CCDC171: variants seen among roughly 807,000 people sequenced by gnomAD.
The protein encoded by CCDC171 is coiled-coil domain-containing protein 171.
CCDC171 carries 177 observed loss-of-function variants against 168.2 expected under a neutral mutation model. The observed-to-expected ratio is 1.05, with a 90% CI of 0.93 to 1.19. The LOEUF (loss-of-function observed/expected upper bound fraction) is 1.19, where lower values mean the gene tolerates loss of function less well. Ranked by LOEUF, CCDC171 falls within the 50% of genes most tolerant of loss-of-function variation. The pLI, the probability that CCDC171 is intolerant of heterozygous loss-of-function variation, is 0.00. For missense variants in CCDC171, 1,991 were observed against 1,539.0 expected, an observed-to-expected ratio of 1.29 and a Z score of -4.91; for synonymous variants, 687 against 540.8, an observed-to-expected ratio of 1.27 and a Z score of -3.75.
chr9:15,932,108 C>T (rs1205863194), intron 25 of CCDC171, among the ~76,000 whole-genome samples: 2 of 151,730 alleles, frequency 1.3e-5, no homozygotes, highest in African/African-American at 4.8e-5. Flanking sequence ...TATGTGGTCT[C>T]ACATGAATTT....
At chr9:16,083,656 A>G in the CCDC171 span, among the ~76,000 whole-genome samples, 2 of 152,100 alleles carry the variant, frequency 1.3e-5, no homozygotes, top group South Asian at 2.1e-4. Flanking sequence ...ACACATTCCT[A>G]TCTTTCTTAA....
chr9:16,107,498 C>G, the CCDC171 span, among the ~76,000 whole-genome samples: 2 of 152,072 alleles, frequency 1.3e-5, no homozygotes, highest in African/African-American at 4.8e-5. Flanking sequence ...TCCCCAAATG[C>G]TAATATTTTA....
chr9:15,900,464 G>A (rs956890190), intron 24 of CCDC171, among the ~76,000 whole-genome samples: 1 of 152,116 alleles, frequency 6.6e-6, no homozygotes, highest in Non-Finnish European at 1.5e-5. Context: ...CTGCTTCTCA[G>A]GTGAGATCAC....
intron 25 of CCDC171, among the ~76,000 whole-genome samples, chr9:15,949,027 A>G (rs1320621515): frequency 1.3e-5 from 2 of 152,194 alleles, no homozygotes; most frequent in East Asian, 3.9e-4. Flanking sequence ...ATCCAGTTTC[A>G]GCTTTCTACA....
chr9:16,095,804 G>A, the CCDC171 span, among the ~76,000 whole-genome samples: 1,335 of 149,700 alleles, frequency 8.9e-3, 17 homozygotes, highest in African/African-American at 0.031. Context: ...GGCTATTTCG[G>A]TGTTGGAGTG....
At chr9:15,729,079 GTTTTAAC>G (rs2053996551) in intron 15 of CCDC171, among the ~76,000 whole-genome samples, 1 of 152,056 alleles carries the variant, frequency 6.6e-6, no homozygotes, top group South Asian at 2.1e-4. Context: ...AAATGAATGT[GTTTTAAC>G]CCTATGAGAT....
chr9:15,885,833 C>G (rs1819324157), intron 24 of CCDC171: 1 of 152,168 alleles, frequency 6.6e-6, no homozygotes, highest in Admixed American at 6.6e-5. Flanking sequence ...TGCAGTAAAT[C>G]AGTCTAAAGC....
chr9:15,644,589 G>C (rs1012992979), intron 7 of CCDC171, among the ~76,000 whole-genome samples: 19 of 152,246 alleles, frequency 1.2e-4, no homozygotes, highest in African/African-American at 4.6e-4. Flanking sequence ...AACACCAGGA[G>C]ATTATATCCC....
intron 7 of CCDC171, among the ~76,000 whole-genome samples, chr9:15,625,430 T>TAGG (rs1186395336): frequency 6.6e-6 from 1 of 152,230 alleles, no homozygotes; most frequent in Non-Finnish European, 1.5e-5. Flanking sequence ...GCTTTTCTTC[T>TAGG]AGGGTTTTTA....
chr9:16,034,060 C>T (rs1246008135), intron 6 of CCDC171, among the ~76,000 whole-genome samples: 1 of 152,222 alleles, frequency 6.6e-6, no homozygotes, highest in African/African-American at 2.4e-5. Context: ...GTGCTTATCT[C>T]ATATCTTACA....
chr9:15,587,141 C>G (rs1367122599), intron 4 of CCDC171, among the ~76,000 whole-genome samples: 1 of 152,032 alleles, frequency 6.6e-6, no homozygotes, highest in Non-Finnish European at 1.5e-5. Context: ...TTGACTTCCC[C>G]AAAAGCTAAC....
At chr9:15,951,351 CAAA>C (rs1829142714) in intron 25 of CCDC171, among the ~76,000 whole-genome samples, 1 of 151,994 alleles carries the variant, frequency 6.6e-6, no homozygotes, top group African/African-American at 2.4e-5. Flanking sequence ...ACACCTATTC[CAAA>C]ATTGACCACA....
At chr9:16,022,633 T>G (rs188977950) in intron 5 of CCDC171, 2 of 152,398 alleles carry the variant, frequency 1.3e-5, no homozygotes, top group African/African-American at 2.4e-5. Flanking sequence ...ATATTCCCTC[T>G]AAGTGGGCAC....
rs950812933 is a variant in CCDC171, at chr9:15,750,759, G to A, written c.2671+5128G>A. On this transcript the variant is annotated intron_variant, in intron 18 of 25. Transcript: ENST00000380701. ...CATGCTAAAAACTCTCAATAAACTA[G>A]GTATTGATGGAACGTATCTCATAAT... Among the ~76,000 whole-genome samples the A allele has an allele frequency of 2.0e-4, 30 of 152,080 alleles. 1 individual carries two copies. Among genetic ancestry groups the A allele is most frequent in the Non-Finnish European group, 1.9e-4 (13 of 68,040 alleles).
chr9:15,743,730 G>T (rs1171496999), intron 16 of CCDC171, among the ~76,000 whole-genome samples: 2 of 151,908 alleles, frequency 1.3e-5, no homozygotes, highest in Non-Finnish European at 2.9e-5. Context: ...AGGTAAGACA[G>T]AAACTGAAAT....
chr9:15,770,923 C>G (rs1233548449), intron 18 of CCDC171, among the ~76,000 whole-genome samples: 1 of 152,018 alleles, frequency 6.6e-6, no homozygotes, highest in African/African-American at 2.4e-5. Flanking sequence ...AATATAATCA[C>G]ACACACACAG....
chr9:15,644,610 C>T (rs138787306), intron 7 of CCDC171, among the ~76,000 whole-genome samples: 3,232 of 152,324 alleles, frequency 0.021, 116 homozygotes, highest in African/African-American at 0.074. Flanking sequence ...GCACCTGGCT[C>T]GGAGAGTCCC....
chr9:15,939,750 C>T (rs560983770), intron 25 of CCDC171, among the ~76,000 whole-genome samples: 16 of 151,910 alleles, frequency 1.1e-4, no homozygotes, highest in Admixed American at 8.5e-4. Context: ...GTAATAAATG[C>T]ATTCTGCTGC....
intron 24 of CCDC171, among the ~76,000 whole-genome samples, chr9:15,900,002 T>C (rs1310779844): frequency 6.6e-6 from 1 of 152,210 alleles, no homozygotes; most frequent in South Asian, 2.1e-4. Context: ...TATATTTAAA[T>C]CTATGATCAA....
Sources: gnomAD v4.1 joint callset for allele counts (sites outside exome capture counted in the v4.1 genomes callset) on GRCh38, gnomAD v4.1.1 for gene constraint, MANE v1.5 for transcripts, NCBI Gene and HGNC (gene_info 2026-07-23, HGNC 2026-07-21) for gene names.